VAPA: variants seen among roughly 807,000 people sequenced by gnomAD.
The protein encoded by VAPA is vesicle-associated membrane protein-associated protein A.
VAPA carries 6 observed loss-of-function variants against 25.6 expected under a neutral mutation model. The ratio of observed to expected loss-of-function variants is 0.23; its 90% confidence interval spans 0.13 to 0.46. VAPA has a LOEUF of 0.46. Among genes scored for constraint, VAPA ranks in the 20% least tolerant of loss-of-function variants. The pLI is 0.99. For missense variants in VAPA, 244 were observed against 302.1 expected (o/e 0.81, Z 1.43); for synonymous variants, 112 against 106.2 (o/e 1.05, Z -0.34).
At position 9,958,010 on chromosome 18, in the gene VAPA, AAG is replaced by A. The variant is rs1955064395; in HGVS notation, c.*3801_*3802del. On this transcript the variant is annotated 3_prime_UTR_variant, in exon 6 of 6. Coordinates refer to ENST00000400000, the MANE Select transcript of VAPA (RefSeq NM_194434.3). The stretch of plus-strand genomic sequence containing the variant: ...GTATAAACATATATCACTAAGGAAA[AAG>A]AAAGTTTGTCTTGCCCTTCTGACAC... 3 of 152,236 alleles carry A rather than the reference AAG, an allele frequency of 2.0e-5. No homozygotes were observed. The South Asian group carries it at 6.2e-4, about 31-fold the overall frequency. 9.4% of individuals were successfully genotyped at this position (152,236 alleles called of 1,614,324 possible).
At chr18:9,914,362 T>G in intron 1 of VAPA, 27 bp downstream of exon 1, 1 of 1,553,164 alleles carries the variant, frequency 6.4e-7, no homozygotes, top group African/African-American at 1.4e-5. Context: ...CACCCCCGGG[T>G]GGGGTGGGGC....
Position 9,950,468 on chromosome 18 carries a change from G to A in VAPA, c.491G>A (p.Ser164Asn). 6.2e-7 allele frequency: 1 copy of A among 1,614,120 alleles called. No homozygotes were observed. The highest frequency in any genetic ancestry group is 8.5e-7 in the Non-Finnish European group (1 of 1,180,006). ...GATGGACCTATGCCAAAACCACACAGTGTTTCACTTAATGATACCGAAACA... is the reference window on the plus strand; with the variant it reads ...GATGGACCTATGCCAAAACCACACAATGTTTCACTTAATGATACCGAAACA... ...KQDGPMPKPH[S>N]VSLNDTETRK... The change falls in exon 5 of 6, where the codon AGT becomes AAT. Residue 164 changes from serine (S) to asparagine (N), a missense_variant. Transcript: ENST00000400000.
At chr18:9,917,758 C>T (rs1159587851) in intron 1 of VAPA, among the ~76,000 whole-genome samples, 1 of 151,976 alleles carries the variant, frequency 6.6e-6, no homozygotes, top group African/African-American at 2.4e-5. Flanking sequence ...GATCGAGGGA[C>T]GTATGGTGTT....
chr18:9,953,896 G>A (rs186426010), intron 5 of VAPA, among the ~76,000 whole-genome samples, 157 bp from the exon 6 acceptor site: 4 of 152,142 alleles, frequency 2.6e-5, no homozygotes, highest in Admixed American at 1.3e-4. Flanking sequence ...TATCACCCCC[G>A]GAAAGTTTCC....
rs1404241058 is a variant in VAPA at position 9,956,636 on chromosome 18, GATT to G, written c.*2429_*2431del. 6.6e-6 allele frequency: 1 copy of G among 152,584 alleles called. No individual in the cohort carries two copies. The highest frequency in any genetic ancestry group is 2.4e-5 in the African/African-American group (1 of 41,440). The allele number at this position is 152,584 out of a possible 1,614,324, so 9.5% of individuals were successfully genotyped here. A position where few individuals can be genotyped will look rare whatever the true frequency, so the allele number is the denominator to read the frequency against. On this transcript the variant is annotated 3_prime_UTR_variant, in exon 6 of 6. Coordinates refer to ENST00000400000, the MANE Select transcript of VAPA (RefSeq NM_194434.3). ...TTAATTGCTGTATGAAATGTGATCA[GATT>G]ATTTTACTACCAACAGTTATAGTTT... is the stretch of plus-strand genomic sequence containing the variant.
chr18:9,945,956 C>A (rs1054758782), intron 4 of VAPA, among the ~76,000 whole-genome samples: 2 of 152,114 alleles, frequency 1.3e-5, no homozygotes, highest in African/African-American at 4.8e-5. Context: ...CCTTTTAACT[C>A]CCTTTATGTG....
chr18:9,949,056 A>T (rs2069457730), intron 4 of VAPA: 1 of 152,254 alleles, frequency 6.6e-6, no homozygotes, highest in Non-Finnish European at 1.5e-5. Context: ...CCACACTGAA[A>T]ATCACAAATG....
intron 3 of VAPA, 136 bp downstream of exon 3, chr18:9,936,349 T>TA (rs2143364697): frequency 4.0e-6 from 2 of 497,894 alleles, no homozygotes; most frequent in East Asian, 6.6e-5. Flanking sequence ...ATTTCTTCAT[T>TA]ATAGATAATC....
At chr18:9,940,821 G>A (rs1017537218) in intron 4 of VAPA, among the ~76,000 whole-genome samples, 2 of 152,156 alleles carry the variant, frequency 1.3e-5, no homozygotes, top group African/African-American at 2.4e-5. Context: ...CATAGAATGA[G>A]ACTTAAAGAT....
chr18:9,940,698 C>G (rs2069358213), intron 4 of VAPA, among the ~76,000 whole-genome samples: 1 of 152,098 alleles, frequency 6.6e-6, no homozygotes, highest in Non-Finnish European at 1.5e-5. Context: ...AGTGGTGTTT[C>G]AATTACAGCA....
At chr18:9,938,461 A>C (rs1393899441) in intron 4 of VAPA, among the ~76,000 whole-genome samples, 1 of 152,222 alleles carries the variant, frequency 6.6e-6, no homozygotes, top group Admixed American at 6.5e-5. Context: ...GGGTGAAAAG[A>C]GCAGTTATGC....
chr18:9,951,854 G>A (rs1308903358), intron 5 of VAPA, among the ~76,000 whole-genome samples: 1 of 152,204 alleles, frequency 6.6e-6, no homozygotes, highest in Admixed American at 6.5e-5. Flanking sequence ...GTGAATTTTT[G>A]TGTCTCTTCA....
At chr18:9,932,537 A>T (rs531731549) in intron 2 of VAPA, among the ~76,000 whole-genome samples, 1 of 152,340 alleles carries the variant, frequency 6.6e-6, no homozygotes, top group Admixed American at 6.5e-5. Flanking sequence ...TGTGGAGTTG[A>T]TACTGGTACC....
intron 1 of VAPA, among the ~76,000 whole-genome samples, chr18:9,920,476 T>C (rs1195833967): frequency 6.6e-6 from 1 of 152,180 alleles, no homozygotes; most frequent in Non-Finnish European, 1.5e-5. Flanking sequence ...CTAATTTTTG[T>C]ATTTTTAGTA....
At chr18:9,915,989 T>C (rs926241709) in intron 1 of VAPA, among the ~76,000 whole-genome samples, 14 of 152,200 alleles carry the variant, frequency 9.2e-5, no homozygotes, top group Admixed American at 8.5e-4. Flanking sequence ...GGTGTGTTTT[T>C]TTTTAATATT....
chr18:9,952,578 A>C (rs1191034692), intron 5 of VAPA, among the ~76,000 whole-genome samples: 2 of 151,774 alleles, frequency 1.3e-5, no homozygotes, highest in Non-Finnish European at 2.9e-5. Context: ...AAAAAAAAAA[A>C]AACAAAACCC....
intron 4 of VAPA, among the ~76,000 whole-genome samples, chr18:9,937,616 A>G (rs998931924): frequency 6.6e-6 from 1 of 152,306 alleles, no homozygotes; most frequent in South Asian, 2.1e-4. Context: ...TGTTTATTCA[A>G]AAACAAACAA....
At chr18:9,925,899 T>C (rs557964860) in intron 1 of VAPA, among the ~76,000 whole-genome samples, 2 of 152,280 alleles carry the variant, frequency 1.3e-5, no homozygotes, top group South Asian at 2.1e-4. Flanking sequence ...GGAATACTTA[T>C]GAATTAGAAA....
intron 5 of VAPA, 100 bp downstream of exon 5, chr18:9,950,668 G>A (rs2069480602): frequency 2.3e-6 from 3 of 1,329,562 alleles, no homozygotes; most frequent in Non-Finnish European, 3.1e-6. Context: ...ATTTTTGCTT[G>A]GTCAGTTCTT....
Sources: allele counts gnomAD v4.1 joint callset (sites outside exome capture counted in the v4.1 genomes callset), GRCh38; gene constraint gnomAD v4.1.1; transcripts MANE v1.5; gene names NCBI Gene and HGNC (gene_info 2026-07-23, HGNC 2026-07-21).